The following SLC6A5 variants were observed in gnomAD, a reference collection of about 807,000 sequenced individuals.
SLC6A5 encodes the protein sodium- and chloride-dependent glycine transporter 2.
Under a neutral mutation model 90.5 loss-of-function variants are expected in SLC6A5, and 58 were observed. The ratio of observed to expected loss-of-function variants is 0.64; its 90% confidence interval spans 0.52 to 0.80. The LOEUF is 0.80. Ranked by LOEUF, SLC6A5 falls within the 30% of genes least tolerant of loss-of-function variation. The pLI is 0.00. For synonymous variants in SLC6A5, 427 were observed against 401.4 expected, an observed-to-expected ratio of 1.06 and a Z score of -0.76; for missense variants, 1,015 against 1,017.6, an observed-to-expected ratio of 1.00 and a Z score of 0.03.
chr11:20,652,477 C>T (rs780727710), intron 15 of SLC6A5, 21 bp downstream of exon 15: 21 of 1,606,522 alleles, frequency 1.3e-5, no homozygotes, highest in Non-Finnish European at 1.8e-5. Flanking sequence ...CTACTTCTTT[C>T]CCTCCCAATT....
Position 20,614,777 on chromosome 11 carries a change from C to T in SLC6A5, c.1084C>T (p.Gln362Ter). 6.2e-7 allele frequency: 1 copy of T among 1,613,904 alleles called. No homozygotes were observed. The highest frequency in any genetic ancestry group is 1.3e-5 in the African/African-American group (1 of 75,042). The change falls in exon 6 of 16, where the codon CAG (glutamine) becomes TAG (stop). Residue 362 changes from glutamine (Q) to a stop codon, truncating the protein, a stop_gained. Transcript: ENST00000525748. LOFTEE classifies it high-confidence loss of function. ...CGTGACAATGGTTAATTTCACCAGC[C>T]AGGCCAATAAGACATTTGTCAGTGG... ...PNVTMVNFTS[Q>*]ANKTFVSGSE...
intron 10 of SLC6A5, among the ~76,000 whole-genome samples, chr11:20,631,683 A>T (rs1056780188): frequency 2.6e-5 from 4 of 152,106 alleles, no homozygotes; most frequent in Admixed American, 2.6e-4. Context: ...CATTTATGGG[A>T]TGCGTAGTGT....
Position 20,607,515 on chromosome 11 carries a change from T to C in SLC6A5, c.848T>C (p.Ile283Thr). 1 of 1,614,220 alleles carries C rather than the reference T, an allele frequency of 6.2e-7. No homozygotes were observed. The highest frequency in any genetic ancestry group is 2.2e-5 in the East Asian group (1 of 44,884). The change falls in exon 5 of 16, where the codon ATA (isoleucine) becomes ACA (threonine). Residue 283 changes from isoleucine to threonine, a missense_variant. Ile to Thr is a moderately conservative substitution (Grantham distance 89). Coordinates refer to ENST00000525748, the MANE Select transcript of SLC6A5 (RefSeq NM_004211.5). ...GCGATGCTGATCATCTCTGTCCTAA[T>C]AGCCATATACTACAATGTGATTATT... is the stretch of plus-strand genomic sequence containing the variant. The part of the protein sequence containing the change: ...GIAMLIISVL[I>T]AIYYNVIICY...
At chr11:20,651,334 C>T (rs1352679554) in intron 14 of SLC6A5, among the ~76,000 whole-genome samples, 3 of 148,716 alleles carry the variant, frequency 2.0e-5, no homozygotes, top group Non-Finnish European at 4.5e-5. Flanking sequence ...GGTACGGTGG[C>T]ATGATCTCGG....
intron 10 of SLC6A5, among the ~76,000 whole-genome samples, chr11:20,631,476 A>G (rs1853108835): frequency 6.6e-6 from 1 of 152,220 alleles, no homozygotes; most frequent in Non-Finnish European, 1.5e-5. Context: ...AAGTTGACAA[A>G]GAGCTTTCAT....
intron 14 of SLC6A5, among the ~76,000 whole-genome samples, chr11:20,647,407 T>C (rs1439438031): frequency 7.8e-6 from 1 of 127,562 alleles, no homozygotes; most frequent in Non-Finnish European, 1.6e-5. Flanking sequence ...ATTCCTATTA[T>C]ATAGGAATTC....
intron 10 of SLC6A5, 143 bp downstream of exon 10, chr11:20,630,958 C>A (rs935392039): frequency 5.2e-5 from 47 of 896,728 alleles, no homozygotes; most frequent in Non-Finnish European, 8.0e-5. Context: ...ACAGAGGGAC[C>A]AAGGCAGGCT....
At chr11:20,646,990 TTTTACATTTGAACAGTGCATGCCTG>T in intron 14 of SLC6A5, 56 bp downstream of exon 14, 2 of 1,163,804 alleles carry the variant, frequency 1.7e-6, no homozygotes, top group Non-Finnish European at 2.6e-6. Flanking sequence ...GTATGTGGTG[TTTTACATTTGAACAGTGCATGCCTG>T]TTTACATTTG....
intron 5 of SLC6A5, among the ~76,000 whole-genome samples, chr11:20,610,248 C>T (rs1852668006): frequency 1.3e-5 from 2 of 152,216 alleles, no homozygotes; most frequent in Non-Finnish European, 2.9e-5. Context: ...CCCATCATTC[C>T]CTCGCGGGTG....
chr11:20,625,314 T>C (rs1408225025), intron 7 of SLC6A5, among the ~76,000 whole-genome samples: 1 of 152,140 alleles, frequency 6.6e-6, no homozygotes, highest in East Asian at 1.9e-4. Context: ...CAGTCTGGAG[T>C]GCAATGGCGT....
chr11:20,624,398 C>T (rs371259021), intron 7 of SLC6A5, among the ~76,000 whole-genome samples: 257 of 152,180 alleles, frequency 1.7e-3, no homozygotes, highest in African/African-American at 5.8e-3. Context: ...AGTGATCCGC[C>T]TGCCTCAGCC....
Position 20,607,521 on chromosome 11 carries a change from T to C in SLC6A5, c.854T>C (p.Ile285Thr), listed in dbSNP as rs1480155146. 5 of 1,614,206 alleles carry C rather than the reference T, an allele frequency of 3.1e-6. No homozygotes were observed. The South Asian group carries it at 4.4e-5, about 14-fold the overall frequency. The change falls in exon 5 of 16, where the codon ATA becomes ACA. Residue 285 changes from isoleucine to threonine, a missense_variant. By Grantham distance (89) the Ile-to-Thr change is moderately conservative. Around this residue, in one of 3 missense-constraint regions of SLC6A5, gnomAD observed 567 missense variants for 507.3 expected, o/e 1.12. Coordinates refer to ENST00000525748, the MANE Select transcript of SLC6A5 (RefSeq NM_004211.5). ...CTGATCATCTCTGTCCTAATAGCCA[T>C]ATACTACAATGTGATTATTTGCTAT... ...AMLIISVLIA[I>T]YYNVIICYTL...
intron 5 of SLC6A5, among the ~76,000 whole-genome samples, chr11:20,613,359 C>T (rs978313933): frequency 8.5e-5 from 13 of 152,128 alleles, no homozygotes; most frequent in African/African-American, 2.9e-4. Context: ...TGCAAAATAA[C>T]GTCCTTTGGG....
intron 8 of SLC6A5, among the ~76,000 whole-genome samples, 189 bp downstream of exon 8, chr11:20,627,031 C>G (rs1281819554): frequency 6.6e-6 from 1 of 152,104 alleles, no homozygotes; most frequent in Non-Finnish European, 1.5e-5. Context: ...TTTTAGATTC[C>G]TGGAATAGTT....
At chr11:20,642,059 C>T (rs541599426) in intron 13 of SLC6A5, among the ~76,000 whole-genome samples, 2 of 151,784 alleles carry the variant, frequency 1.3e-5, no homozygotes, top group African/African-American at 4.8e-5. Flanking sequence ...TTTACTTGTC[C>T]AAAAGTATAC....
chr11:20,652,531 A>G (rs1185748787), intron 15 of SLC6A5, 75 bp downstream of exon 15: 6 of 1,413,354 alleles, frequency 4.2e-6, no homozygotes, highest in Non-Finnish European at 6.0e-6. Flanking sequence ...GTTAAAAAAC[A>G]AAAGATTCGG....
At chr11:20,635,844 A>G (rs898701144) in intron 10 of SLC6A5, among the ~76,000 whole-genome samples, 1 of 152,150 alleles carries the variant, frequency 6.6e-6, no homozygotes, top group Admixed American at 6.5e-5. Context: ...GCCAGTAGTT[A>G]TCCTACCCCT....
At chr11:20,650,320 A>G (rs1232665671) in intron 14 of SLC6A5, among the ~76,000 whole-genome samples, 1 of 152,128 alleles carries the variant, frequency 6.6e-6, no homozygotes, top group East Asian at 1.9e-4. Flanking sequence ...AGATGCCTCC[A>G]TTTTCAGCAC....
At chr11:20,652,666 GTTA>G (rs1853565177) in intron 15 of SLC6A5, among the ~76,000 whole-genome samples, 1 of 152,176 alleles carries the variant, frequency 6.6e-6, no homozygotes, top group Admixed American at 6.5e-5. Flanking sequence ...AAGCAGAACT[GTTA>G]TTATGCTGGT....
Sources: allele counts gnomAD v4.1 joint callset (sites outside exome capture counted in the v4.1 genomes callset), GRCh38; gene constraint gnomAD v4.1.1; regional missense constraint gnomAD v4.1.1; transcripts MANE v1.5; gene names NCBI Gene and HGNC (gene_info 2026-07-23, HGNC 2026-07-21).